The following SENP6 variants were observed in gnomAD, a reference collection of about 807,000 sequenced individuals.
SENP6 encodes the protein SUMO specific peptidase 6.
Under a neutral mutation model 134.5 loss-of-function variants are expected in SENP6, and 41 were observed. That is an observed-to-expected ratio of 0.30 (90% CI 0.24 to 0.40). The LOEUF is 0.40. SENP6 is among the 10% of genes least tolerant of loss of function. The probability of loss-of-function intolerance (pLI) is 1.00; values close to 1 mark genes in which losing one functional copy is unlikely to be tolerated. For missense variants in SENP6, 1,248 were observed against 1,312.5 expected (o/e 0.95, Z 0.76); for synonymous variants, 395 against 429.8 (o/e 0.92, Z 1.00).
chr6:75,604,105 T>G (rs1766841096), intron 1 of SENP6, among the ~76,000 whole-genome samples: 1 of 152,212 alleles, frequency 6.6e-6, no homozygotes, highest in Non-Finnish European at 1.5e-5. Flanking sequence ...ATCCTAGATT[T>G]CCAGCTTCTA....
At chr6:75,666,143 T>C (rs1401127026) in intron 9 of SENP6, among the ~76,000 whole-genome samples, 1 of 116,054 alleles carries the variant, frequency 8.6e-6, no homozygotes, top group Non-Finnish European at 1.8e-5. Flanking sequence ...ATATATGATA[T>C]ATATAAAACA....
rs950588176 is a variant in SENP6, at chr6:75,602,476, C to T, written c.-49C>T. On this transcript the variant is annotated 5_prime_UTR_variant, in exon 1 of 24. Coordinates refer to ENST00000447266, the MANE Select transcript of SENP6 (RefSeq NM_015571.4). Reference sequence around the variant, plus strand: ...CGGCCCCTCATCCCGGCGAGCACGGCGGCGGTGTGGGCCATGGATTAAGAA... The same window carrying T: ...CGGCCCCTCATCCCGGCGAGCACGGTGGCGGTGTGGGCCATGGATTAAGAA... 4 of 1,547,358 alleles carry T rather than the reference C, an allele frequency of 2.6e-6. No individual in the cohort carries two copies. The highest frequency in any genetic ancestry group is 1.2e-5 in the South Asian group (1 of 83,926).
chr6:75,690,788 C>T (rs918715359), intron 16 of SENP6, among the ~76,000 whole-genome samples: 5 of 151,646 alleles, frequency 3.3e-5, no homozygotes, highest in South Asian at 2.1e-4. Context: ...CTCCGCCTCA[C>T]GGGTTCATGC....
At position 75,634,772 on chromosome 6, in the gene SENP6, C is replaced by T; in HGVS notation, c.419C>T (p.Ala140Val). ...TVVHGRRFHH[A>V]HAQIPVVKTA... is the part of the protein sequence containing the mutation. ...GTTCATGGTAGACGTTTTCATCATG[C>T]TCATGCACAGATACCAGTAGTAAAA... Residue 140 changes from alanine to valine, a missense_variant, in exon 5 of 24, where the codon GCT becomes GTT. Transcript: ENST00000447266. 1.2e-6 allele frequency: 2 copies of T among 1,602,814 alleles called. No homozygotes were observed. Among genetic ancestry groups the T allele is most frequent in the Non-Finnish European group, 1.7e-6 (2 of 1,177,260 alleles).
chr6:75,609,284 G>C (rs1174652209), intron 1 of SENP6, among the ~76,000 whole-genome samples: 3 of 152,148 alleles, frequency 2.0e-5, no homozygotes. Context: ...AGGGGCGACT[G>C]AACAAGAGAA....
intron 7 of SENP6, 129 bp downstream of exon 7, chr6:75,647,930 T>G: frequency 1.8e-6 from 1 of 546,334 alleles, no homozygotes; most frequent in South Asian, 3.7e-5. Context: ...ACCATTTTTT[T>G]GTAACTGATT....
chr6:75,622,764 G>T, intron 2 of SENP6: 1 of 1,287,856 alleles, frequency 7.8e-7, no homozygotes, highest in African/African-American at 1.5e-5. Flanking sequence ...CTTCACTTCT[G>T]TCTGGGCAAC....
chr6:75,605,861 T>G (rs1323698706), intron 1 of SENP6, among the ~76,000 whole-genome samples: 1 of 152,104 alleles, frequency 6.6e-6, no homozygotes, highest in Non-Finnish European at 1.5e-5. Flanking sequence ...GACAATAAAT[T>G]AGGATAATAT....
chr6:75,632,503 T>G (rs1438274816), intron 3 of SENP6, among the ~76,000 whole-genome samples: 1 of 152,214 alleles, frequency 6.6e-6, no homozygotes, highest in Non-Finnish European at 1.5e-5. Context: ...TTTGTTATTA[T>G]TAAATGCAGT....
intron 7 of SENP6, among the ~76,000 whole-genome samples, chr6:75,657,708 A>G (rs573686996): frequency 3.9e-5 from 6 of 152,316 alleles, no homozygotes; most frequent in African/African-American, 1.2e-4. Context: ...TGGCAATACA[A>G]TGGGGGAACA....
chr6:75,617,417 G>A (rs1485154304), intron 1 of SENP6, among the ~76,000 whole-genome samples: 3 of 151,600 alleles, frequency 2.0e-5, no homozygotes, highest in African/African-American at 7.3e-5. Flanking sequence ...GGGGTTACAG[G>A]CATGCACCAC....
rs1162610171 is a variant in SENP6 at position 75,715,584 on chromosome 6, T to C, written c.3329T>C (p.Ile1110Thr). 2 of 1,605,232 alleles carry C rather than the reference T, an allele frequency of 1.2e-6. No individual in the cohort carries two copies. Among genetic ancestry groups the C allele is most frequent in the South Asian group, 2.2e-5 (2 of 90,144 alleles). ...GGAACAGAACAATATGTCAATAGTA[T>C]CTCAGATTGACCATTTCTGTTACTT... ...GEGTEQYVNS[I>T]SD Residue 1110 changes from isoleucine (I) to threonine (T), a missense_variant, in exon 24 of 24, where the codon ATC (isoleucine) becomes ACC (threonine). This residue lies in a region of SENP6 where 386 missense variants were observed against 395.0 expected (regional missense o/e 0.98). Coordinates refer to ENST00000447266, the MANE Select transcript of SENP6 (RefSeq NM_015571.4).
At chr6:75,629,560 A>G (rs909530146) in intron 3 of SENP6, among the ~76,000 whole-genome samples, 5 of 152,202 alleles carry the variant, frequency 3.3e-5, no homozygotes, top group African/African-American at 1.2e-4. Context: ...TTGGCTTCCC[A>G]AAGTGCTGGG....
intron 13 of SENP6, 130 bp downstream of exon 13, chr6:75,676,184 C>T: frequency 3.9e-6 from 2 of 510,210 alleles, no homozygotes; most frequent in South Asian, 4.2e-5. Flanking sequence ...GTCACAGCCA[C>T]CTTGTGAAAT....
intron 19 of SENP6, among the ~76,000 whole-genome samples, chr6:75,707,971 C>T (rs1775515482): frequency 6.6e-6 from 1 of 152,176 alleles, no homozygotes; most frequent in Non-Finnish European, 1.5e-5. Flanking sequence ...AGGTGCTAGG[C>T]CACTGTGCCC....
chr6:75,676,634 G>C (rs1157540816), intron 13 of SENP6: 2 of 158,182 alleles, frequency 1.3e-5, no homozygotes, highest in African/African-American at 2.4e-5. Flanking sequence ...TTAGTGAAAA[G>C]CTGTTTTGCA....
chr6:75,663,146 C>A, intron 8 of SENP6, 75 bp from the exon 9 acceptor site: 1 of 1,357,124 alleles, frequency 7.4e-7, no homozygotes, highest in Non-Finnish European at 1.0e-6. Context: ...TTATGAACAC[C>A]GTGAATGTTC....
chr6:75,667,602 G>A (rs1475570888), intron 10 of SENP6, among the ~76,000 whole-genome samples: 2 of 152,166 alleles, frequency 1.3e-5, no homozygotes, highest in Non-Finnish European at 2.9e-5. Context: ...GAATCCAAGG[G>A]AAAGGACACT....
At chr6:75,627,882 T>G (rs1024183410) in intron 3 of SENP6, among the ~76,000 whole-genome samples, 1 of 152,126 alleles carries the variant, frequency 6.6e-6, no homozygotes, top group Non-Finnish European at 1.5e-5. Context: ...TTTCACCATG[T>G]GAGGCTGGTC....
Sources: gnomAD v4.1 joint callset for allele counts (sites outside exome capture counted in the v4.1 genomes callset) on GRCh38, gnomAD v4.1.1 for gene constraint, gnomAD v4.1.1 regional missense constraint, MANE v1.5 for transcripts, NCBI Gene and HGNC (gene_info 2026-07-23, HGNC 2026-07-21) for gene names.